The following TGM4 variants were observed in gnomAD, a reference collection of about 807,000 sequenced individuals.
TGM4 encodes the protein transglutaminase 4, also known as protein-glutamine gamma-glutamyltransferase 4.
A neutral mutation model predicts 76.3 loss-of-function variants in TGM4; 61 were observed. That is an observed-to-expected ratio of 0.80 (90% CI 0.65 to 0.99). The LOEUF (loss-of-function observed/expected upper bound fraction) is 0.99. TGM4 is among the 50% of genes least tolerant of loss of function. The pLI is 0.00. For synonymous variants in TGM4, 337 were observed against 329.8 expected (o/e 1.02, Z -0.24); for missense variants, 794 against 843.2 (o/e 0.94, Z 0.72).
At position 44,891,260 on chromosome 3, in the gene TGM4, C is replaced by T. The variant is rs568819064; in HGVS notation, c.430+528C>T. ...GGACATCTTCTTGCAGCCTCAAATG[C>T]GGCACATTCTATGTCAACCCTTTCC... On this transcript the variant is annotated intron_variant, in intron 4 of 13. Transcript: ENST00000296125. 3.3e-5 allele frequency among the ~76,000 whole-genome samples: 5 copies of T among 152,310 alleles called. No individual in the cohort carries two copies. The East Asian group carries it at 5.8e-4, about 18-fold the overall frequency.
chr3:44,877,875 T>C (rs921286491), intron 1 of TGM4, among the ~76,000 whole-genome samples: 2 of 152,204 alleles, frequency 1.3e-5, no homozygotes, highest in Non-Finnish European at 2.9e-5. Flanking sequence ...AGGAAGTACA[T>C]TGTAGCATAT....
At chr3:44,905,537 G>A (rs1699910810) in intron 9 of TGM4, among the ~76,000 whole-genome samples, 1 of 152,228 alleles carries the variant, frequency 6.6e-6, no homozygotes, top group South Asian at 2.1e-4. Flanking sequence ...CAGGGCCAGA[G>A]AGTGAACAGG....
chr3:44,900,374 C>T (rs1699837135), intron 6 of TGM4, among the ~76,000 whole-genome samples: 1 of 152,146 alleles, frequency 6.6e-6, no homozygotes, highest in Non-Finnish European at 1.5e-5. Flanking sequence ...CTGGCGGTGG[C>T]CTCTGCTCTC....
chr3:44,903,173 T>C (rs1699877230), intron 8 of TGM4, among the ~76,000 whole-genome samples: 1 of 152,226 alleles, frequency 6.6e-6, no homozygotes, highest in African/African-American at 2.4e-5. Flanking sequence ...CTGCCTATAC[T>C]GAGATCTGGC....
At chr3:44,896,122 T>C (rs1023630682) in intron 5 of TGM4, among the ~76,000 whole-genome samples, 3 of 152,140 alleles carry the variant, frequency 2.0e-5, no homozygotes, top group African/African-American at 7.2e-5. Context: ...ATTATTATTA[T>C]TTTTTTGAGA....
At position 44,901,825 on chromosome 3, in the gene TGM4, G is replaced by A. The variant is rs1300398994; in HGVS notation, c.865G>A (p.Val289Met). ...LRALGIPARS[V>M]TGFDSAHDTE... The stretch of plus-strand genomic sequence containing the variant: ...AGCGTTGGGCATCCCAGCACGCAGT[G>A]TGACAGGCTTCGATTCAGCTCACGA... Residue 289 changes from valine (V) to methionine (M), a missense_variant, in exon 8 of 14, where the codon GTG becomes ATG. Physicochemically the swap from Val to Met is conservative, Grantham distance 21. Transcript: ENST00000296125. The A allele has an allele frequency of 6.2e-7, 1 of 1,614,026 alleles. No individual in the cohort carries two copies. Among genetic ancestry groups the A allele is most frequent in the Admixed American group, 1.7e-5 (1 of 59,998 alleles).
rs1299893927 is a variant in TGM4, at chr3:44,914,052, C to G, written c.*327C>G. ...GAAGCCACAGAGTCTCTCCCTGGAG[C>G]AGCAGACTATGGGCAGCCCAGTGCT... On this transcript the variant is annotated 3_prime_UTR_variant, in exon 14 of 14. Coordinates refer to ENST00000296125, the MANE Select transcript of TGM4 (RefSeq NM_003241.4). 1 of 246,030 alleles carries G rather than the reference C, an allele frequency of 4.1e-6. No individual in the cohort carries two copies. The highest frequency in any genetic ancestry group is 2.3e-5 in the African/African-American group (1 of 43,956). 15.2% of individuals were successfully genotyped at this position (246,030 alleles called of 1,614,324 possible). A position where few individuals can be genotyped will look rare whatever the true frequency, so the allele number is the denominator to read the frequency against.
chr3:44,903,866 G>A lies in TGM4; in HGVS notation c.972-18G>A, dbSNP rs368467916. On this transcript the variant is annotated intron_variant, in intron 8 of 13. Coordinates refer to ENST00000296125, the MANE Select transcript of TGM4 (RefSeq NM_003241.4). Reference sequence around the variant, plus strand: ...TTGGGGGTGGTCCGGGGTGGGGCCCGTTCCCAATTTGCGGCAGGAATTTCC... The same window carrying A: ...TTGGGGGTGGTCCGGGGTGGGGCCCATTCCCAATTTGCGGCAGGAATTTCC... 2.1e-5 allele frequency: 34 copies of A among 1,613,302 alleles called. No individual in the cohort carries two copies. Among genetic ancestry groups the A allele is most frequent in the Middle Eastern group, 3.3e-4 (2 of 6,060 alleles).
intron 6 of TGM4, among the ~76,000 whole-genome samples, chr3:44,901,109 G>A (rs532159245): frequency 4.6e-5 from 7 of 152,288 alleles, no homozygotes; most frequent in South Asian, 4.1e-4. Context: ...GTGTGGTGGC[G>A]TGCGCCTGTA....
Position 44,901,693 on chromosome 3 carries a change from C to G in TGM4, c.827C>G (p.Thr276Ser). 1 of 1,613,758 alleles carries G rather than the reference C, an allele frequency of 6.2e-7. No individual in the cohort carries two copies. The highest frequency in any genetic ancestry group is 8.5e-7 in the Non-Finnish European group (1 of 1,179,692). ...TGCTGGGTGTTTGCTGGGATCCTGA[C>G]TACAGGTAAGTGGCAGATCCAGGGG... The part of the protein sequence containing the change: ...GQCWVFAGIL[T>S]TVLRALGIPA... Residue 276 changes from threonine (T) to serine (S), a missense_variant, in exon 7 of 14, where the codon ACT becomes AGT. By Grantham distance (58) the Thr-to-Ser change is moderately conservative. Transcript: ENST00000296125.
intron 4 of TGM4, 60 bp downstream of exon 4, chr3:44,890,792 T>G (rs1699682935): frequency 6.3e-7 from 1 of 1,594,348 alleles, no homozygotes; most frequent in Non-Finnish European, 8.6e-7. Flanking sequence ...ACCTGCTATG[T>G]GCAATGCATA....
At position 44,893,715 on chromosome 3, in the gene TGM4, T is replaced by C; in HGVS notation, c.549+20T>C. On this transcript the variant is annotated intron_variant, in intron 5 of 13. Transcript: ENST00000296125. ...GGTCAGGTAATGATTTGTCGTCTTG[T>C]GGCTGCACCAGGCCCCATCTGCTAG... 1 of 1,605,082 alleles carries C rather than the reference T, an allele frequency of 6.2e-7. No homozygotes were observed. Among genetic ancestry groups the C allele is most frequent in the Non-Finnish European group, 8.5e-7 (1 of 1,171,884 alleles).
chr3:44,880,008 A>G (rs1482899014), intron 1 of TGM4, among the ~76,000 whole-genome samples: 1 of 152,036 alleles, frequency 6.6e-6, no homozygotes, highest in Non-Finnish European at 1.5e-5. Context: ...TATGTTGCCC[A>G]GGCTGATCTT....
chr3:44,889,297 T>A (rs536272634), intron 3 of TGM4: 4 of 150,240 alleles, frequency 2.7e-5, no homozygotes, highest in South Asian at 4.3e-4. Context: ...AATGCTGCAA[T>A]GGCACTCAAG....
At chr3:44,905,983 A>C (rs1699917054) in intron 9 of TGM4, among the ~76,000 whole-genome samples, 1 of 152,250 alleles carries the variant, frequency 6.6e-6, no homozygotes, top group East Asian at 1.9e-4. Flanking sequence ...TGAGAGGCAG[A>C]GGAAGCCCTG....
rs181162980 is a variant in TGM4 at position 44,907,843 on chromosome 3, G to C, written c.1327+643G>C. On this transcript the variant is annotated intron_variant, in intron 10 of 13. Coordinates refer to ENST00000296125, the MANE Select transcript of TGM4 (RefSeq NM_003241.4). ...TTTGTATTTCCCCTGTGGCCCATTG[G>C]CTGTGGTTCCTGTACCACGTGGTAA... Among the ~76,000 whole-genome samples, 49 of 152,302 alleles carry C rather than the reference G, an allele frequency of 3.2e-4. 1 individual carries two copies. Among genetic ancestry groups the C allele is most frequent in the African/African-American group, 1.1e-3 (45 of 41,546 alleles).
intron 1 of TGM4, 116 bp from the exon 2 acceptor site, chr3:44,885,209 C>T (rs1356878838): frequency 1.5e-5 from 17 of 1,098,334 alleles, no homozygotes; most frequent in African/African-American, 4.8e-5. Flanking sequence ...CAGGGATGCC[C>T]GACTCTAAAG....
chr3:44,885,772 G>A (rs573219690), intron 2 of TGM4, among the ~76,000 whole-genome samples: 3 of 152,318 alleles, frequency 2.0e-5, no homozygotes, highest in South Asian at 4.1e-4. Context: ...GGCATCTGCC[G>A]TGGTGGGGTC....
In TGM4 at chr3:44,911,003, GC is replaced by G. The variant is rs1337081779; in HGVS notation, c.1654del (p.Leu552TrpfsTer4). The G allele has an allele frequency of 6.2e-7, 1 of 1,614,040 alleles. No homozygotes were observed. Among genetic ancestry groups the G allele is most frequent in the Non-Finnish European group, 8.5e-7 (1 of 1,180,034 alleles). On this transcript the variant is annotated frameshift_variant, in exon 12 of 14. Transcript: ENST00000296125. LOFTEE classifies it high-confidence loss of function. ...LTLDSKTYIN[S>X]LAILDDEPVI... ...TTGGACTCCAAGACCTACATCAACA[GC>G]CTGGCTATATTAGATGATGAGCCAG... is the stretch of plus-strand genomic sequence containing the variant.
Sources: gnomAD v4.1 joint callset for allele counts (sites outside exome capture counted in the v4.1 genomes callset) on GRCh38, gnomAD v4.1.1 for gene constraint, MANE v1.5 for transcripts, NCBI Gene and HGNC (gene_info 2026-07-23, HGNC 2026-07-21) for gene names.